API5: variants seen among roughly 807,000 people sequenced by gnomAD.
API5 encodes FIF.
A neutral mutation model predicts 71.9 loss-of-function variants in API5; 6 were observed. That is an observed-to-expected ratio of 0.08 (90% CI 0.05 to 0.16). API5 has a LOEUF of 0.16. API5 is among the 10% of genes least tolerant of loss of function. API5 has a pLI of 1.00. For missense variants in API5, 332 were observed against 612.8 expected, an observed-to-expected ratio of 0.54 and a Z score of 4.84; for synonymous variants, 189 against 221.3, an observed-to-expected ratio of 0.85 and a Z score of 1.30.
In API5 at chr11:43,317,661, A is replaced by G. The variant is rs183998488; in HGVS notation, c.70-979A>G. Among the ~76,000 whole-genome samples the G allele has an allele frequency of 9.1e-4, 138 of 152,260 alleles. 1 individual carries two copies. The highest frequency in any genetic ancestry group is 1.6e-3 in the Non-Finnish European group (110 of 68,016). The stretch of plus-strand genomic sequence containing the variant: ...TACAGTGCAATTCTTTGTGAATTCT[A>G]TGGTATTCATGATGATTTATTTATT... On this transcript the variant is annotated intron_variant, in intron 1 of 13. Coordinates refer to ENST00000531273, the MANE Select transcript of API5 (RefSeq NM_001142930.2).
intron 1 of API5, among the ~76,000 whole-genome samples, chr11:43,315,046 G>C (rs1590346652): frequency 6.6e-6 from 1 of 152,170 alleles, no homozygotes; most frequent in Non-Finnish European, 1.5e-5. Context: ...ATACTTCTGA[G>C]ACTGCATTCA....
intron 1 of API5, 38 bp from the exon 2 acceptor site, chr11:43,318,602 A>C: frequency 1.2e-6 from 2 of 1,604,692 alleles, no homozygotes; most frequent in African/African-American, 1.3e-5. Flanking sequence ...CCCATCCTTC[A>C]AAATCATGTG....
intron 10 of API5, 179 bp downstream of exon 10, chr11:43,330,237 C>A: frequency 1.6e-6 from 1 of 631,702 alleles, no homozygotes; most frequent in East Asian, 2.8e-5. Context: ...TATTTTAAAA[C>A]AACTTCTATG....
rs1854909786 is a variant in API5 at position 43,322,042 on chromosome 11, G to A, written c.449G>A (p.Arg150Gln). ...ILQGEDIVRE[R>Q]AIKFLSTKLK... ...CAAGGAGAGGACATTGTTAGAGAACGAGCAATTAAATTCCTTTCTACAAAA... is the reference window on the plus strand; with the variant it reads ...CAAGGAGAGGACATTGTTAGAGAACAAGCAATTAAATTCCTTTCTACAAAA... The change falls in exon 5 of 14, where the codon CGA becomes CAA. Residue 150 changes from arginine (R) to glutamine (Q), a missense_variant. Coordinates refer to ENST00000531273, the MANE Select transcript of API5 (RefSeq NM_001142930.2). The A allele has an allele frequency of 1.2e-6, 2 of 1,613,626 alleles. No homozygotes were observed. The highest frequency in any genetic ancestry group is 1.7e-6 in the Non-Finnish European group (2 of 1,179,814).
At chr11:43,318,389 C>A in intron 1 of API5, 1 of 1,491,166 alleles carries the variant, frequency 6.7e-7, no homozygotes, top group South Asian at 1.2e-5. Context: ...GGCATATTAA[C>A]AAACACATTT....
intron 13 of API5, 80 bp downstream of exon 13, chr11:43,336,074 T>G: frequency 4.6e-6 from 7 of 1,522,584 alleles, no homozygotes; most frequent in Non-Finnish European, 6.2e-6. Flanking sequence ...TTAGTAATTA[T>G]ATACAGTGTC....
intron 13 of API5, among the ~76,000 whole-genome samples, chr11:43,336,610 C>T (rs544078885): frequency 5.3e-5 from 8 of 152,220 alleles, no homozygotes; most frequent in Middle Eastern, 3.4e-3. Context: ...CCACGGCTGT[C>T]GAATCAAAAG....
chr11:43,322,731 G>A (rs757347852), intron 5 of API5, among the ~76,000 whole-genome samples: 90 of 152,260 alleles, frequency 5.9e-4, no homozygotes, highest in Non-Finnish European at 9.6e-4. Context: ...TGTGATCACT[G>A]TTATGGTTCA....
At chr11:43,320,416 T>A (rs963677774) in intron 2 of API5, among the ~76,000 whole-genome samples, 1 of 152,042 alleles carries the variant, frequency 6.6e-6, no homozygotes, top group African/African-American at 2.4e-5. Context: ...ATGCCCCTAA[T>A]GATGGCTTCT....
Position 43,320,881 on chromosome 11 carries a change from G to T in API5, c.292G>T (p.Val98Leu), listed in dbSNP as rs540799644. ...TGCCACTGGAGAAAATCTTCCTCGA[G>T]TGGCAGATATACTAACGCAACTTTT... ...QFATGENLPR[V>L]ADILTQLLQT... is the part of the protein sequence containing the mutation. The change falls in exon 3 of 14, where the codon GTG becomes TTG. Residue 98 changes from valine to leucine, a missense_variant. Val to Leu is a conservative substitution (Grantham distance 32). Coordinates refer to ENST00000531273, the MANE Select transcript of API5 (RefSeq NM_001142930.2). 1 of 1,612,212 alleles carries T rather than the reference G, an allele frequency of 6.2e-7. No individual in the cohort carries two copies. Among genetic ancestry groups the T allele is most frequent in the African/African-American group, 1.3e-5 (1 of 74,994 alleles).
Position 43,342,881 on chromosome 11 carries a change from A to T in API5, c.*371A>T, listed in dbSNP as rs1039412671. The T allele has an allele frequency of 1.7e-5, 9 of 514,386 alleles. No individual in the cohort carries two copies. Among genetic ancestry groups the T allele is most frequent in the African/African-American group, 3.9e-5 (2 of 51,550 alleles). 31.9% of individuals were successfully genotyped at this position (514,386 alleles called of 1,614,324 possible). A position where few individuals can be genotyped will look rare whatever the true frequency, so the allele number is the denominator to read the frequency against. On this transcript the variant is annotated 3_prime_UTR_variant, in exon 14 of 14. Transcript: ENST00000531273. ...GATCATCAGTTTTGAAAGGTTACTG[A>T]TTTTCCTCTTCCCTCTTAGTTTTTT...
At chr11:43,312,286 G>T (rs1159896679) in intron 1 of API5, 90 bp downstream of exon 1, 2 of 1,418,752 alleles carry the variant, frequency 1.4e-6, no homozygotes, top group South Asian at 2.4e-5. Flanking sequence ...CCGAGCGGGG[G>T]CTGCGGCTTC....
In API5 at chr11:43,318,672, T is replaced by A; in HGVS notation, c.102T>A (p.Gly34=). ...HKDAYQVILD[G]VKGGTKEKRL... is the part of the protein sequence containing the mutation. ...ATGCCTATCAAGTGATATTGGATGGTGTGAAAGGTGGTACTAAGGAAAAGC... is the reference window on the plus strand; with the variant it reads ...ATGCCTATCAAGTGATATTGGATGGAGTGAAAGGTGGTACTAAGGAAAAGC... Residue 34 remains glycine, a synonymous_variant, in exon 2 of 14, where the codon GGT becomes GGA. Transcript: ENST00000531273. 1.2e-6 allele frequency: 2 copies of A among 1,613,438 alleles called. No individual in the cohort carries two copies. Among genetic ancestry groups the A allele is most frequent in the Non-Finnish European group, 1.7e-6 (2 of 1,179,994 alleles).
rs533648168 is a variant in API5, at chr11:43,333,674, C to T, written c.1279-1604C>T. On this transcript the variant is annotated intron_variant, in intron 11 of 13. Coordinates refer to ENST00000531273, the MANE Select transcript of API5 (RefSeq NM_001142930.2). ...ACATGATTGGCTACTATTGATTACACTCTAAGAGGATTAACATTTTATTGT... is the reference window on the plus strand; with the variant it reads ...ACATGATTGGCTACTATTGATTACATTCTAAGAGGATTAACATTTTATTGT... 1.4e-4 allele frequency among the ~76,000 whole-genome samples: 21 copies of T among 152,274 alleles called. No individual in the cohort carries two copies. The South Asian group carries it at 1.5e-3, about 11-fold the overall frequency.
chr11:43,318,280 A>G (rs1854745418), intron 1 of API5: 1 of 770,102 alleles, frequency 1.3e-6, no homozygotes, highest in South Asian at 1.7e-5. Flanking sequence ...AGGTGCTGGG[A>G]TTACAGGCGT....
intron 13 of API5, among the ~76,000 whole-genome samples, chr11:43,338,647 GTAA>G (rs1418126989): frequency 9.5e-4 from 21 of 22,186 alleles, no homozygotes; most frequent in African/African-American, 1.5e-3. Flanking sequence ...TCAATTGGAG[GTAA>G]AAAAAAAAAA....
At chr11:43,322,987 A>G (rs1391838723) in intron 5 of API5, among the ~76,000 whole-genome samples, 1 of 152,190 alleles carries the variant, frequency 6.6e-6, no homozygotes, top group Non-Finnish European at 1.5e-5. Context: ...AACAATTACC[A>G]TATTAATATG....
chr11:43,329,231 G>A lies in API5; in HGVS notation c.1127+338G>A, dbSNP rs900626950. 1.5e-5 allele frequency: 3 copies of A among 195,446 alleles called. No individual in the cohort carries two copies. In the East Asian group the frequency reaches 3.6e-4, roughly 24 times the overall value. 12.1% of individuals were successfully genotyped at this position (195,446 alleles called of 1,614,324 possible). ...GTGTGGTAACACACCAGTAGTCCCA[G>A]CTACTTGCAACACTGAGATGGGAGG... is the stretch of plus-strand genomic sequence containing the variant. On this transcript the variant is annotated intron_variant, in intron 9 of 13. Transcript: ENST00000531273.
At chr11:43,312,813 G>A (rs953857691) in intron 1 of API5, among the ~76,000 whole-genome samples, 4 of 152,100 alleles carry the variant, frequency 2.6e-5, no homozygotes, top group Admixed American at 1.3e-4. Context: ...TAGTAAGAAA[G>A]ATAGGCATTG....
Sources: allele counts gnomAD v4.1 joint callset (sites outside exome capture counted in the v4.1 genomes callset), GRCh38; gene constraint gnomAD v4.1.1; transcripts MANE v1.5; gene names NCBI Gene and HGNC (gene_info 2026-07-23, HGNC 2026-07-21).